Variants in MYH14 observed in about 807,000 individuals in gnomAD.
The protein encoded by MYH14 is myosin heavy chain 14.
A neutral mutation model predicts 255.5 loss-of-function variants in MYH14; 123 were observed. The observed-to-expected ratio is 0.48, with a 90% confidence interval of 0.42 to 0.56. MYH14 has a LOEUF of 0.56. Among genes scored for constraint, MYH14 ranks in the 20% least tolerant of loss-of-function variants. The pLI is 0.00. For synonymous variants in MYH14, 1,095 were observed against 1,161.2 expected, an observed-to-expected ratio of 0.94 and a Z score of 1.16; for missense variants, 2,423 against 2,802.3, an observed-to-expected ratio of 0.86 and a Z score of 3.06.
intron 39 of MYH14, among the ~76,000 whole-genome samples, chr19:50,297,451 CA>C (rs1158775603): frequency 6.8e-6 from 1 of 147,928 alleles, no homozygotes; most frequent in Non-Finnish European, 1.5e-5. Context: ...TTTAACTTTA[CA>C]AGGCATTTTC....
rs1358522612 is a variant in MYH14 at position 50,255,290 on chromosome 19, G to A, written c.2016G>A (p.Arg672=). Residue 672 remains arginine (R), a synonymous_variant, in exon 17 of 43, where the codon AGG becomes AGA. Transcript: ENST00000642316. ...CGTCGCCCCCAGGATCTGCAGAGAG[G>A]TGCAGCTCTGCTATTTCTCCGCCAG... ...FPPSPPGSAE[R]CSSAISPPGV... 19 of 1,551,332 alleles carry A rather than the reference G, an allele frequency of 1.2e-5. No individual in the cohort carries two copies. The highest frequency in any genetic ancestry group is 1.7e-5 in the Non-Finnish European group (19 of 1,146,942).
intron 39 of MYH14, among the ~76,000 whole-genome samples, chr19:50,297,218 T>G (rs2123466629): frequency 6.6e-6 from 1 of 152,140 alleles, no homozygotes; most frequent in South Asian, 2.1e-4. Flanking sequence ...ACTCCTGACC[T>G]CGTGATCCGC....
In MYH14 at chr19:50,247,092, CTA is replaced by C. The variant is rs755625569; in HGVS notation, c.1301_1302del (p.Tyr434CysfsTer7). 6.2e-7 allele frequency: 1 copy of C among 1,613,474 alleles called. No homozygotes were observed. The highest frequency in any genetic ancestry group is 2.2e-5 in the East Asian group (1 of 44,884). ...LTPRIKVGRDYVQKAQTKEQA... is the reference protein window; with the variant it reads ...LTPRIKVGRDXVQKAQTKEQA... ...CCCCTCGCATCAAAGTTGGCCGAGA[CTA>C]TGTGCAGAAAGCCCAGACTAAGGAA... On this transcript the variant is annotated frameshift_variant, in exon 12 of 43. Coordinates refer to ENST00000642316, the MANE Select transcript of MYH14 (RefSeq NM_001145809.2). LOFTEE classifies it high-confidence loss of function.
chr19:50,272,457 C>T (rs1203078438), intron 26 of MYH14, 103 bp from the exon 27 acceptor site: 2 of 1,234,516 alleles, frequency 1.6e-6, no homozygotes, highest in Non-Finnish European at 2.3e-6. Flanking sequence ...AAGGGAGGTG[C>T]TGAGCTTAGC....
At chr19:50,220,385 A>G (rs1462536105) in intron 3 of MYH14, among the ~76,000 whole-genome samples, 3 of 148,304 alleles carry the variant, frequency 2.0e-5, no homozygotes, top group Non-Finnish European at 4.5e-5. Context: ...ATTATACTTC[A>G]TTTTTATTTT....
In MYH14 at chr19:50,230,415, A is replaced by G; in HGVS notation, c.875-110A>G. ...ACCAGCCTGGGCTGTGAGCGACTCC[A>G]CTACACCACAGGAGAGAAGGGGGCA... On this transcript the variant is annotated intron_variant, in intron 8 of 42. Transcript: ENST00000642316. The surrounding 1 kb of genome is among the most constrained non-coding windows in gnomAD (Gnocchi z 4.7). 2.1e-6 allele frequency: 2 copies of G among 962,234 alleles called. No homozygotes were observed. The highest frequency in any genetic ancestry group is 3.2e-6 in the Non-Finnish European group (2 of 618,716). 59.6% of individuals were successfully genotyped at this position (962,234 alleles called of 1,614,324 possible).
intron 39 of MYH14, among the ~76,000 whole-genome samples, chr19:50,296,701 C>T (rs898330697): frequency 6.6e-6 from 1 of 152,164 alleles, no homozygotes; most frequent in Non-Finnish European, 1.5e-5. Context: ...AAGAGTAACC[C>T]AGAACATTTT....
Position 50,261,645 on chromosome 19 carries a change from C to A in MYH14, c.2585+10C>A, listed in dbSNP as rs1270633428. The A allele has an allele frequency of 6.3e-7, 1 of 1,588,648 alleles. No individual in the cohort carries two copies. The highest frequency in any genetic ancestry group is 8.6e-7 in the Non-Finnish European group (1 of 1,169,424). On this transcript the variant is annotated intron_variant, in intron 21 of 42. Transcript: ENST00000642316. ...GATACCTGGCTCGCAGGTGGGCAGCCACGCTGTCTCCCGGGGTCCTGTTGG... is the reference window on the plus strand; with the variant it reads ...GATACCTGGCTCGCAGGTGGGCAGCAACGCTGTCTCCCGGGGTCCTGTTGG...
At chr19:50,284,087 A>G in intron 33 of MYH14, among the ~76,000 whole-genome samples, 1 of 130,054 alleles carries the variant, frequency 7.7e-6, no homozygotes, top group Non-Finnish European at 1.6e-5. Context: ...AAACAAAACA[A>G]AAAACAAAAA....
chr19:50,233,884 C>T (rs975109822), intron 10 of MYH14, among the ~76,000 whole-genome samples: 14 of 140,114 alleles, frequency 1.0e-4, no homozygotes, highest in African/African-American at 2.4e-4. Context: ...GGTGCAATCT[C>T]GGCTCACTGC....
chr19:50,293,121 C>A lies in MYH14; in HGVS notation c.5257-112C>A. Reference sequence around the variant, plus strand: ...AGCTCATTCCAGGGTTACCCAGGGACAGCATGAGAAAAAAGCCAAGAGCCT... The same window carrying A: ...AGCTCATTCCAGGGTTACCCAGGGAAAGCATGAGAAAAAAGCCAAGAGCCT... On this transcript the variant is annotated intron_variant, in intron 37 of 42. Transcript: ENST00000642316. This position sits in a 1 kb window ranked among gnomAD's most constrained non-coding sequence, Gnocchi z 4.1. The A allele has an allele frequency of 1.3e-6, 1 of 756,680 alleles. No individual in the cohort carries two copies. The highest frequency in any genetic ancestry group is 2.3e-6 in the Non-Finnish European group (1 of 426,934). The allele number at this position is 756,680 out of a possible 1,614,324, so 46.9% of individuals were successfully genotyped here.
chr19:50,222,775 C>G (rs1290464503), intron 3 of MYH14, among the ~76,000 whole-genome samples: 1 of 152,162 alleles, frequency 6.6e-6, no homozygotes, highest in Non-Finnish European at 1.5e-5. Context: ...CATGAGGCAG[C>G]ACACAGTAGG....
At chr19:50,307,576 G>C (rs1389867023) in intron 41 of MYH14, among the ~76,000 whole-genome samples, 2 of 152,210 alleles carry the variant, frequency 1.3e-5, no homozygotes, top group African/African-American at 4.8e-5. Context: ...GAAAGGTGAA[G>C]TAACTTGCTC....
At chr19:50,307,842 C>G (rs917202474) in intron 41 of MYH14, among the ~76,000 whole-genome samples, 2 of 152,218 alleles carry the variant, frequency 1.3e-5, no homozygotes, top group African/African-American at 4.8e-5. Flanking sequence ...CAGAGTCCCT[C>G]TGCCCTTAAA....
intron 7 of MYH14, 68 bp downstream of exon 7, chr19:50,225,745 T>C: frequency 4.7e-6 from 6 of 1,268,628 alleles, no homozygotes; most frequent in Non-Finnish European, 6.8e-6. Flanking sequence ...CAGGGTGGGC[T>C]TCAGGGGGAA....
intron 3 of MYH14, among the ~76,000 whole-genome samples, chr19:50,219,162 A>G (rs1441550694): frequency 6.8e-6 from 1 of 147,854 alleles, no homozygotes; most frequent in Non-Finnish European, 1.5e-5. Context: ...ATATATATGT[A>G]TCACAGTTTA....
At chr19:50,251,513 ATACACAC>A (rs1219180112) in intron 15 of MYH14, among the ~76,000 whole-genome samples, 1 of 23,488 alleles carries the variant, frequency 4.3e-5, no homozygotes, top group Admixed American at 8.1e-4. Flanking sequence ...ACATATATAT[ATACACAC>A]TACACACACA....
chr19:50,250,421 C>A lies in MYH14; in HGVS notation c.1657-94C>A. Reference sequence around the variant, plus strand: ...TGGCATCTCACGTTTGTTTTTATGTCCAAGTGTGACTTATAAGAGCTAAAA... The same window carrying A: ...TGGCATCTCACGTTTGTTTTTATGTACAAGTGTGACTTATAAGAGCTAAAA... On this transcript the variant is annotated intron_variant, in intron 14 of 42. Transcript: ENST00000642316. The surrounding 1 kb of genome is among the most constrained non-coding windows in gnomAD (Gnocchi z 5.4). 1 of 1,335,476 alleles carries A rather than the reference C, an allele frequency of 7.5e-7. No individual in the cohort carries two copies. The highest frequency in any genetic ancestry group is 1.0e-6 in the Non-Finnish European group (1 of 954,612). 82.7% of individuals were successfully genotyped at this position (1,335,476 alleles called of 1,614,324 possible).
chr19:50,295,946 A>T (rs958288016), intron 39 of MYH14, among the ~76,000 whole-genome samples: 1 of 152,148 alleles, frequency 6.6e-6, no homozygotes, highest in East Asian at 1.9e-4. Context: ...CCCCGTCTCT[A>T]CTAAAAATAC....
Sources: allele counts gnomAD v4.1 joint callset (sites outside exome capture counted in the v4.1 genomes callset), GRCh38; gene constraint gnomAD v4.1.1; non-coding constraint Gnocchi (gnomAD v3.1); transcripts MANE v1.5; gene names NCBI Gene and HGNC (gene_info 2026-07-23, HGNC 2026-07-21).